The following RPP30 variants were observed in gnomAD, a reference collection of about 807,000 sequenced individuals.
RPP30 encodes ribonuclease P/MRP subunit p30, also known as ribonuclease P protein subunit p30.
RPP30 carries 36 observed loss-of-function variants against 38.6 expected under a neutral mutation model. That is an observed-to-expected ratio of 0.93 (90% CI 0.71 to 1.23). The LOEUF (loss-of-function observed/expected upper bound fraction) is 1.23. RPP30 is among the 50% of genes most tolerant of loss of function. The pLI is 0.00. For missense variants in RPP30, 321 were observed against 321.7 expected (o/e 1.00, Z 0.02); for synonymous variants, 126 against 112.7 (o/e 1.12, Z -0.75).
chr10:90,905,728 AAG>A (rs1847247384), downstream of RPP30: 2 of 152,220 alleles, frequency 1.3e-5, no homozygotes, highest in Admixed American at 6.5e-5. Flanking sequence ...TGAAAGTTAA[AAG>A]AAAAAAAGAT....
intron 4 of RPP30, among the ~76,000 whole-genome samples, chr10:90,878,424 AT>A (rs1412195428): frequency 6.6e-6 from 1 of 152,084 alleles, no homozygotes; most frequent in South Asian, 2.1e-4. Context: ...GTATAAATGT[AT>A]TTTTTTCTAG....
chr10:90,890,414 A>G (rs1451545866), intron 6 of RPP30, among the ~76,000 whole-genome samples: 1 of 152,144 alleles, frequency 6.6e-6, no homozygotes, highest in African/African-American at 2.4e-5. Flanking sequence ...GGGATCTTAT[A>G]TGTTTTACAC....
downstream of RPP30, chr10:90,905,675 C>A (rs1410046534): frequency 6.6e-6 from 1 of 152,046 alleles, no homozygotes; most frequent in Admixed American, 6.6e-5. Context: ...CTTTCCTAGT[C>A]ATTTAGGGGG....
At chr10:90,903,759 T>C (rs1230614504), downstream of RPP30, among the ~76,000 whole-genome samples, 1 of 152,184 alleles carries the variant, frequency 6.6e-6, no homozygotes. Flanking sequence ...ATTGTATAAA[T>C]ACACAAAAAC....
downstream of RPP30, chr10:90,903,239 C>G (rs1400898365): frequency 3.1e-6 from 5 of 1,610,352 alleles, no homozygotes; most frequent in African/African-American, 6.7e-5. Context: ...TCAGAGAGAT[C>G]ATACTCCCAA....
At chr10:90,892,821 T>G (rs2120219231) in intron 6 of RPP30, among the ~76,000 whole-genome samples, 1 of 152,348 alleles carries the variant, frequency 6.6e-6, no homozygotes, top group African/African-American at 2.4e-5. Context: ...GCACCGAGGT[T>G]CCTTTGATGA....
chr10:90,904,911 CTCTA>C (rs1847237750), downstream of RPP30, among the ~76,000 whole-genome samples: 1 of 152,142 alleles, frequency 6.6e-6, no homozygotes, highest in Non-Finnish European at 1.5e-5. Context: ...TAAGTCAAAT[CTCTA>C]TCTCACACCC....
chr10:90,895,982 A>C, intron 9 of RPP30, 65 bp downstream of exon 9: 1 of 1,234,110 alleles, frequency 8.1e-7, no homozygotes, highest in Non-Finnish European at 1.2e-6. Context: ...TTGAAGTCGT[A>C]TTATAGTTGA....
At chr10:90,872,442 C>T (rs1446246404) in intron 1 of RPP30, among the ~76,000 whole-genome samples, 2 of 142,542 alleles carry the variant, frequency 1.4e-5, no homozygotes, top group Non-Finnish European at 1.5e-5. Context: ...TAAACAAATA[C>T]TGGAATTTGG....
intron 6 of RPP30, among the ~76,000 whole-genome samples, chr10:90,892,700 C>T (rs1847096950): frequency 1.3e-5 from 2 of 152,178 alleles, no homozygotes; most frequent in Non-Finnish European, 2.9e-5. Context: ...AAATACAGGT[C>T]AGCCTCTTCA....
chr10:90,901,573 C>A lies in RPP30; in HGVS notation c.*894C>A. On this transcript the variant is annotated 3_prime_UTR_variant, in exon 11 of 11. Coordinates refer to ENST00000371703, the MANE Select transcript of RPP30 (RefSeq NM_006413.5). ...TACTTTTAGTTAGAAACCCCTAAAA[C>A]GCTAATATTGATTTTCCTGATAGCT... 1.0e-6 allele frequency: 1 copy of A among 985,060 alleles called. No homozygotes were observed. Among genetic ancestry groups the A allele is most frequent in the Non-Finnish European group, 1.2e-6 (1 of 829,690 alleles). The allele number at this position is 985,060 out of a possible 1,614,324, so 61.0% of individuals were successfully genotyped here.
At chr10:90,873,105 C>G (rs944457348) in intron 1 of RPP30, among the ~76,000 whole-genome samples, 6 of 152,126 alleles carry the variant, frequency 3.9e-5, no homozygotes, top group African/African-American at 1.4e-4. Context: ...CATGAGCTTC[C>G]TAAGAGAATT....
intron 6 of RPP30, among the ~76,000 whole-genome samples, chr10:90,886,319 A>T (rs576741117): frequency 2.0e-5 from 3 of 152,156 alleles, no homozygotes; most frequent in East Asian, 1.9e-4. Context: ...CATCACATAG[A>T]CGTGGTCTAT....
chr10:90,880,819 C>T lies in RPP30; in HGVS notation c.342+1685C>T, dbSNP rs191208238. On this transcript the variant is annotated intron_variant, in intron 5 of 10. Coordinates refer to ENST00000371703, the MANE Select transcript of RPP30 (RefSeq NM_006413.5). ...AGTGATTTTTAGTCATAAAAGACAC[C>T]TGTAGAACTTTTTAAAATCAGGCAC... Among the ~76,000 whole-genome samples, 11 of 143,762 alleles carry T rather than the reference C, an allele frequency of 7.7e-5. No individual in the cohort carries two copies. In the East Asian group the frequency reaches 2.3e-3, roughly 30 times the overall value. 94.3% of individuals were successfully genotyped at this position (143,762 alleles called of 152,430 possible).
Position 90,900,966 on chromosome 10 carries a change from A to G in RPP30, c.*287A>G. The G allele has an allele frequency of 9.3e-7, 1 of 1,077,442 alleles. No homozygotes were observed. 66.7% of individuals were successfully genotyped at this position (1,077,442 alleles called of 1,614,324 possible). A position where few individuals can be genotyped will look rare whatever the true frequency, so the allele number is the denominator to read the frequency against. The stretch of plus-strand genomic sequence containing the variant: ...ACAACAGCAAATATACTTGAATAAA[A>G]TGTTTCAGGTATTTTTGTTTCATTT... On this transcript the variant is annotated 3_prime_UTR_variant, in exon 11 of 11. Transcript: ENST00000371703.
At chr10:90,885,101 T>C (rs1430238637) in intron 5 of RPP30, among the ~76,000 whole-genome samples, 1 of 152,226 alleles carries the variant, frequency 6.6e-6, no homozygotes, top group Non-Finnish European at 1.5e-5. Context: ...TTATTTTATC[T>C]TGTATGTGGT....
Position 90,900,801 on chromosome 10 carries a change from TA to T in RPP30, c.*127del. ...TTTGGAGCTAGAAATCAATAGTCTATAAAAACAGTTTTACTTGCAATCCATT... is the reference window on the plus strand; with the variant it reads ...TTTGGAGCTAGAAATCAATAGTCTATAAAACAGTTTTACTTGCAATCCATT... On this transcript the variant is annotated 3_prime_UTR_variant, in exon 11 of 11. Coordinates refer to ENST00000371703, the MANE Select transcript of RPP30 (RefSeq NM_006413.5). 7.1e-7 allele frequency: 1 copy of T among 1,405,294 alleles called. No individual in the cohort carries two copies. The highest frequency in any genetic ancestry group is 9.3e-7 in the Non-Finnish European group (1 of 1,080,504). The allele number at this position is 1,405,294 out of a possible 1,614,324, so 87.1% of individuals were successfully genotyped here.
In RPP30 at chr10:90,897,084, A is replaced by G. The variant is rs1216402412; in HGVS notation, c.697+692A>G. 2.0e-5 allele frequency among the ~76,000 whole-genome samples: 3 copies of G among 152,256 alleles called. No homozygotes were observed. In the South Asian group the frequency reaches 6.2e-4, roughly 32 times the overall value. The stretch of plus-strand genomic sequence containing the variant: ...TGTACATTTTTTACTCACATTTTGT[A>G]TATGTACCTTTTCACTGACTGAGTT... On this transcript the variant is annotated intron_variant, in intron 10 of 10. Coordinates refer to ENST00000371703, the MANE Select transcript of RPP30 (RefSeq NM_006413.5).
chr10:90,894,743 A>G (rs1367375181), intron 6 of RPP30, 32 bp from the exon 7 acceptor site: 1 of 1,487,252 alleles, frequency 6.7e-7, no homozygotes, highest in Non-Finnish European at 9.4e-7. Context: ...GTGCATGCTT[A>G]TCTCTGACAG....
Sources: gnomAD v4.1 joint callset for allele counts (sites outside exome capture counted in the v4.1 genomes callset) on GRCh38, gnomAD v4.1.1 for gene constraint, MANE v1.5 for transcripts, NCBI Gene and HGNC (gene_info 2026-07-23, HGNC 2026-07-21) for gene names.